Variants in SGCD observed in about 807,000 individuals in gnomAD.
The protein encoded by SGCD is sarcoglycan delta.
In SGCD, 18 loss-of-function variants were observed where a neutral mutation model predicts 36.6. The ratio of observed to expected loss-of-function variants is 0.49; its 90% CI spans 0.34 to 0.73. The LOEUF (loss-of-function observed/expected upper bound fraction) is 0.73, where lower values mean the gene tolerates loss of function less well. Among genes scored for constraint, SGCD ranks in the 30% least tolerant of loss-of-function variants. The pLI, the probability that SGCD is intolerant of heterozygous loss-of-function variation, is 0.01. For missense variants in SGCD, 387 were observed against 346.7 expected (o/e 1.12, Z -0.92); for synonymous variants, 133 against 130.6 (o/e 1.02, Z -0.12).
At chr5:155,809,333 G>A in the SGCD span, among the ~76,000 whole-genome samples, 1 of 152,308 alleles carries the variant, frequency 6.6e-6, no homozygotes, top group East Asian at 1.9e-4. Flanking sequence ...AAAAGAGCGA[G>A]GACAGAACTG....
chr5:156,191,403 A>T (rs138238043), intron 3 of SGCD, among the ~76,000 whole-genome samples: 1 of 152,224 alleles, frequency 6.6e-6, no homozygotes, highest in African/African-American at 2.4e-5. Flanking sequence ...AAGGAGTGTC[A>T]ATCTGTTCAT....
At chr5:156,584,953 G>A (rs1196813320) in intron 4 of SGCD, among the ~76,000 whole-genome samples, 1 of 152,168 alleles carries the variant, frequency 6.6e-6, no homozygotes. Context: ...AAAGCCTAAT[G>A]GGTGCCAGGA....
intron 1 of SGCD, among the ~76,000 whole-genome samples, chr5:155,984,007 T>C (rs890613179): frequency 2.6e-5 from 4 of 152,222 alleles, no homozygotes; most frequent in Non-Finnish European, 4.4e-5. Flanking sequence ...AGCCCATTTG[T>C]CAGTATCATT....
At chr5:156,150,005 T>G (rs1019719231) in intron 3 of SGCD, among the ~76,000 whole-genome samples, 2 of 152,168 alleles carry the variant, frequency 1.3e-5, no homozygotes, top group Non-Finnish European at 2.9e-5. Context: ...TCCTCTGTTC[T>G]CCACCCAGCA....
chr5:156,716,088 C>T (rs762979686), intron 7 of SGCD, among the ~76,000 whole-genome samples: 2 of 152,112 alleles, frequency 1.3e-5, no homozygotes, highest in African/African-American at 2.4e-5. Flanking sequence ...TGCAAGACAG[C>T]CTTACTACTC....
chr5:156,499,248 C>T (rs567398196), intron 3 of SGCD, among the ~76,000 whole-genome samples: 5 of 152,146 alleles, frequency 3.3e-5, no homozygotes, highest in African/African-American at 1.2e-4. Context: ...TTGTCTAACG[C>T]GTATGGAAAT....
At chr5:156,334,688 T>C (rs1768251216) in intron 2 of SGCD, among the ~76,000 whole-genome samples, 2 of 144,334 alleles carry the variant, frequency 1.4e-5, no homozygotes, top group South Asian at 4.5e-4. Flanking sequence ...GTGACATAAA[T>C]ATAATATTCG....
intron 3 of SGCD, among the ~76,000 whole-genome samples, chr5:156,292,873 T>C (rs1439873459): frequency 1.3e-5 from 2 of 152,180 alleles, no homozygotes; most frequent in Admixed American, 6.6e-5. Context: ...TCTTTTCATA[T>C]GCTTATTGGC....
intron 3 of SGCD, among the ~76,000 whole-genome samples, chr5:156,146,706 T>C (rs1444904844): frequency 1.3e-5 from 2 of 152,102 alleles, no homozygotes; most frequent in Non-Finnish European, 2.9e-5. Flanking sequence ...AAAAGGTAAA[T>C]GATGAGAGTA....
chr5:156,227,625 T>A (rs1764891776), intron 3 of SGCD, among the ~76,000 whole-genome samples: 2 of 152,144 alleles, frequency 1.3e-5, no homozygotes, highest in African/African-American at 4.8e-5. Flanking sequence ...GAATTGTTTT[T>A]TCGAATTCTG....
intron 4 of SGCD, among the ~76,000 whole-genome samples, chr5:156,569,273 A>T (rs1265449224): frequency 1.3e-5 from 2 of 152,136 alleles, no homozygotes; most frequent in Non-Finnish European, 2.9e-5. Flanking sequence ...ATCTTTTATT[A>T]TACTAGGAGG....
chr5:156,384,781 A>G (rs1771186868), intron 3 of SGCD, among the ~76,000 whole-genome samples: 1 of 152,204 alleles, frequency 6.6e-6, no homozygotes, highest in South Asian at 2.1e-4. Context: ...ATGCAACACT[A>G]TGAAGACAAA....
At chr5:155,848,356 A>G in the SGCD span, among the ~76,000 whole-genome samples, 1 of 152,150 alleles carries the variant, frequency 6.6e-6, no homozygotes, top group Admixed American at 6.6e-5. Flanking sequence ...TATACCCCTG[A>G]GTTTTGTGAT....
At chr5:156,727,194 G>A (rs2113796270) in intron 7 of SGCD, among the ~76,000 whole-genome samples, 1 of 152,288 alleles carries the variant, frequency 6.6e-6, no homozygotes, top group Non-Finnish European at 1.5e-5. Context: ...AAATAACTAA[G>A]AGGAAGCATC....
intron 6 of SGCD, among the ~76,000 whole-genome samples, chr5:156,628,442 ACTT>A (rs945183624): frequency 8.5e-5 from 13 of 152,254 alleles, no homozygotes; most frequent in African/African-American, 2.2e-4. Flanking sequence ...CCCATTGAAA[ACTT>A]CTTATTTAGA....
chr5:156,564,811 A>G (rs892623940), intron 4 of SGCD, among the ~76,000 whole-genome samples: 6 of 152,290 alleles, frequency 3.9e-5, no homozygotes, highest in African/African-American at 1.4e-4. Context: ...TCCATGATGT[A>G]GCATGTGTCA....
At chr5:156,334,128 A>G (rs990761742) in intron 2 of SGCD, among the ~76,000 whole-genome samples, 2 of 151,932 alleles carry the variant, frequency 1.3e-5, no homozygotes, top group Non-Finnish European at 1.5e-5. Flanking sequence ...TTATTATTTT[A>G]TTACACAGCT....
At chr5:155,867,220 A>C (rs891015895), upstream of SGCD, among the ~76,000 whole-genome samples, 2 of 152,194 alleles carry the variant, frequency 1.3e-5, no homozygotes, top group Non-Finnish European at 2.9e-5. Flanking sequence ...ACAGGGCCCG[A>C]GAAAATCTTG....
rs1757589839 is a variant in SGCD at position 156,766,471 on chromosome 5, C to T, written c.*7081C>T. The T allele has an allele frequency of 6.6e-6, 1 of 151,450 alleles. No homozygotes were observed. Among genetic ancestry groups the T allele is most frequent in the Non-Finnish European group, 1.5e-5 (1 of 67,978 alleles). 9.4% of individuals were successfully genotyped at this position (151,450 alleles called of 1,614,324 possible). On this transcript the variant is annotated 3_prime_UTR_variant, in exon 9 of 9. Transcript: ENST00000337851. ...GTGCAGAATTCTCCTCCCCAGAGCA[C>T]TCAGGCCGTTACTACCAATTTATCT... is the stretch of plus-strand genomic sequence containing the variant.
Sources: gnomAD v4.1 joint callset for allele counts (sites outside exome capture counted in the v4.1 genomes callset) on GRCh38, gnomAD v4.1.1 for gene constraint, MANE v1.5 for transcripts, NCBI Gene and HGNC (gene_info 2026-07-23, HGNC 2026-07-21) for gene names.